The following WIPF2 variants were observed in gnomAD, a reference collection of about 807,000 sequenced individuals.
WIPF2 encodes WAS/WASL interacting protein family member 2.
A neutral mutation model predicts 38.8 loss-of-function variants in WIPF2; 23 were observed. The ratio of observed to expected loss-of-function variants is 0.59; its 90% CI spans 0.43 to 0.84. The LOEUF (loss-of-function observed/expected upper bound fraction) is 0.84, where lower values mean the gene tolerates loss of function less well. Ranked by LOEUF, WIPF2 falls within the 40% of genes least tolerant of loss-of-function variation. The pLI, the probability that WIPF2 is intolerant of heterozygous loss-of-function variation, is 0.00. For synonymous variants in WIPF2, 210 were observed against 223.2 expected, an observed-to-expected ratio of 0.94 and a Z score of 0.53; for missense variants, 574 against 580.5, an observed-to-expected ratio of 0.99 and a Z score of 0.11.
intron 7 of WIPF2, 51 bp downstream of exon 7, chr17:40,277,235 C>A: frequency 6.7e-7 from 1 of 1,487,042 alleles, no homozygotes; most frequent in Admixed American, 1.8e-5. Flanking sequence ...AATGTAGAAT[C>A]TGTGCATTTT....
At chr17:40,274,977 C>T (rs1324898501) in intron 6 of WIPF2, among the ~76,000 whole-genome samples, 6 of 148,140 alleles carry the variant, frequency 4.1e-5, no homozygotes, top group Non-Finnish European at 7.4e-5. Flanking sequence ...CAGTGGCTCA[C>T]GCCTGTAATC....
At position 40,230,859 on chromosome 17, in the gene WIPF2, A is replaced by G. The variant is rs148802260; in HGVS notation, c.-70+11367A>G. 1.2e-4 allele frequency among the ~76,000 whole-genome samples: 19 copies of G among 152,272 alleles called. 1 individual carries two copies. Among genetic ancestry groups the G allele is most frequent in the African/African-American group, 4.6e-4 (19 of 41,560 alleles). On this transcript the variant is annotated intron_variant, in intron 1 of 7. Transcript: ENST00000323571. ...TTTGAACCGATGAATATACTGTCAT[A>G]CCCATCATCTAGGCCATATGTCTTA...
rs762910327 is a variant in WIPF2, at chr17:40,264,796, A to C, written c.620A>C (p.Lys207Thr). The C allele has an allele frequency of 6.2e-7, 1 of 1,612,838 alleles. No homozygotes were observed. Among genetic ancestry groups the C allele is most frequent in the Non-Finnish European group, 8.5e-7 (1 of 1,179,536 alleles). Reference protein sequence around the residue: ...SSKAPAYNREKPLPPTPGQRL... With the variant: ...SSKAPAYNRETPLPPTPGQRL... ...AAAGCCCCCGCCTACAACAGAGAGA[A>C]ACCCTTGCCACCGACGCCTGGACAA... The change falls in exon 5 of 8, where the codon AAA (lysine) becomes ACA (threonine). Residue 207 changes from lysine (K) to threonine (T), a missense_variant. Lys to Thr is a moderately conservative substitution (Grantham distance 78). Coordinates refer to ENST00000323571, the MANE Select transcript of WIPF2 (RefSeq NM_133264.5).
intron 2 of WIPF2, among the ~76,000 whole-genome samples, chr17:40,257,391 T>C (rs1442204461): frequency 6.6e-6 from 1 of 151,136 alleles, no homozygotes; most frequent in Non-Finnish European, 1.5e-5. Context: ...AGGAAAGGAG[T>C]TTTTGGAATG....
In WIPF2 at chr17:40,264,728, G is replaced by A; in HGVS notation, c.552G>A (p.Arg184=). 6.2e-7 allele frequency: 1 copy of A among 1,608,404 alleles called. No individual in the cohort carries two copies. The highest frequency in any genetic ancestry group is 8.5e-7 in the Non-Finnish European group (1 of 1,177,542). ...CCCCTCCCCCACCACCCCCAGGGCG[G>A]CGTGCCAACGCACCCCCCACACCTC... ...SSAPPPPPPG[R]RANAPPTPLP... Residue 184 remains arginine, a synonymous_variant, in exon 5 of 8, where the codon CGG becomes CGA. Coordinates refer to ENST00000323571, the MANE Select transcript of WIPF2 (RefSeq NM_133264.5).
In WIPF2 at chr17:40,256,429, G is replaced by T; in HGVS notation, c.-31G>T. On this transcript the variant is annotated 5_prime_UTR_variant, in exon 2 of 8. Transcript: ENST00000323571. ...CTAAAGGTACAAATAAAGACGGAGA[G>T]AGAACAGTGCCAACTGGGAGCAGGG... is the stretch of plus-strand genomic sequence containing the variant. 6.3e-7 allele frequency: 1 copy of T among 1,597,718 alleles called. No homozygotes were observed. The highest frequency in any genetic ancestry group is 8.5e-7 in the Non-Finnish European group (1 of 1,174,792).
intron 1 of WIPF2, among the ~76,000 whole-genome samples, chr17:40,223,534 A>G (rs556055490): frequency 8.8e-5 from 10 of 113,144 alleles, no homozygotes; most frequent in South Asian, 2.6e-4. Flanking sequence ...TGTTTTTAGG[A>G]AAAAAAAAAG....
chr17:40,246,470 C>T (rs977638161), intron 1 of WIPF2, among the ~76,000 whole-genome samples: 8 of 148,934 alleles, frequency 5.4e-5, no homozygotes, highest in African/African-American at 2.0e-4. Context: ...ACAGTCTCGG[C>T]TCACTGCAAC....
At chr17:40,262,425 G>T in intron 3 of WIPF2, 100 bp from the exon 4 acceptor site, 1 of 903,386 alleles carries the variant, frequency 1.1e-6, no homozygotes, top group Non-Finnish European at 1.7e-6. Flanking sequence ...TGGTTTGTTT[G>T]CAAGCGATAG....
rs941049607 is a variant in WIPF2, at chr17:40,283,321, C to T, written c.*5096C>T. On this transcript the variant is annotated 3_prime_UTR_variant, in exon 8 of 8. Transcript: ENST00000323571. ...GTGCAGTGGTGTGATCATAGCTCAC[C>T]GCAGCCTCCAACTCTCAAGCTCAAG... 9 of 151,774 alleles carry T rather than the reference C, an allele frequency of 5.9e-5. No individual in the cohort carries two copies. Among genetic ancestry groups the T allele is most frequent in the Admixed American group, 2.0e-4 (3 of 15,202 alleles). The allele number at this position is 151,774 out of a possible 1,614,324, so 9.4% of individuals were successfully genotyped here. A position where few individuals can be genotyped will look rare whatever the true frequency, so the allele number is the denominator to read the frequency against.
rs1377342626 is a variant in WIPF2 at position 40,283,251 on chromosome 17, TA to T, written c.*5027del. 5 of 150,510 alleles carry T rather than the reference TA, an allele frequency of 3.3e-5. No individual in the cohort carries two copies. The highest frequency in any genetic ancestry group is 1.2e-4 in the African/African-American group (5 of 40,814). 9.3% of individuals were successfully genotyped at this position (150,510 alleles called of 1,614,324 possible). A position where few individuals can be genotyped will look rare whatever the true frequency, so the allele number is the denominator to read the frequency against. On this transcript the variant is annotated 3_prime_UTR_variant, in exon 8 of 8. Transcript: ENST00000323571. ...CTGATGGTCCTTATTTTATTATTATTATTATTTTTTTTTGAGACAGGATGTT... is the reference window on the plus strand; with the variant it reads ...CTGATGGTCCTTATTTTATTATTATTTTATTTTTTTTTGAGACAGGATGTT...
At chr17:40,253,662 G>A (rs1324020419) in intron 1 of WIPF2, among the ~76,000 whole-genome samples, 1 of 152,134 alleles carries the variant, frequency 6.6e-6, no homozygotes, top group Non-Finnish European at 1.5e-5. Flanking sequence ...GGAATTTATC[G>A]GCTTATTTCT....
At chr17:40,220,616 TATGTATATATATA>T (rs2030181753) in intron 1 of WIPF2, 1 of 112,828 alleles carries the variant, frequency 8.9e-6, no homozygotes, top group African/African-American at 3.7e-5. Flanking sequence ...TATATATATA[TATGTATATATATA>T]TATTTTTTTG....
intron 1 of WIPF2, among the ~76,000 whole-genome samples, chr17:40,244,396 T>C (rs1385396073): frequency 2.0e-5 from 3 of 152,158 alleles, no homozygotes; most frequent in Non-Finnish European, 1.5e-5. Context: ...ATTGTAGTAA[T>C]GAGCTCCTAC....
intron 3 of WIPF2, among the ~76,000 whole-genome samples, chr17:40,261,830 G>C (rs1249676620): frequency 6.8e-6 from 1 of 147,202 alleles, no homozygotes; most frequent in Non-Finnish European, 1.5e-5. Context: ...GGGACTACAG[G>C]CACCTGCCAC....
intron 7 of WIPF2, among the ~76,000 whole-genome samples, chr17:40,277,638 G>A (rs1303189249): frequency 4.0e-5 from 6 of 150,852 alleles, no homozygotes; most frequent in Non-Finnish European, 4.4e-5. Flanking sequence ...CCAAGATCAC[G>A]CTACTGTACT....
intron 3 of WIPF2, among the ~76,000 whole-genome samples, chr17:40,262,128 T>C (rs2031929972): frequency 6.7e-6 from 1 of 149,292 alleles, no homozygotes; most frequent in South Asian, 2.1e-4. Context: ...TTGCTCAGGC[T>C]GGAGTGCAGT....
At position 40,256,391 on chromosome 17, in the gene WIPF2, G is replaced by T. The variant is rs190263160; in HGVS notation, c.-69G>T. ...TAATGAGTTTCTTTTTCATTTGCAG[G>T]TATATGAATGACCTAAAGGTACAAA... On this transcript the variant is annotated splice_region_variant and 5_prime_UTR_variant, in exon 2 of 8. Coordinates refer to ENST00000323571, the MANE Select transcript of WIPF2 (RefSeq NM_133264.5). 4.5e-6 allele frequency: 7 copies of T among 1,570,220 alleles called. No individual in the cohort carries two copies. The Admixed American group carries it at 1.1e-4, about 24-fold the overall frequency.
At chr17:40,222,639 T>C (rs1276527664) in intron 1 of WIPF2, among the ~76,000 whole-genome samples, 1 of 149,430 alleles carries the variant, frequency 6.7e-6, no homozygotes, top group Non-Finnish European at 1.5e-5. Flanking sequence ...CTGGTTTTGA[T>C]TTGATGCATA....
Sources: gnomAD v4.1 joint callset for allele counts (sites outside exome capture counted in the v4.1 genomes callset) on GRCh38, gnomAD v4.1.1 for gene constraint, MANE v1.5 for transcripts, NCBI Gene and HGNC (gene_info 2026-07-23, HGNC 2026-07-21) for gene names.